The following INSL6 variants were observed in gnomAD, a reference collection of about 807,000 sequenced individuals.
INSL6 encodes the protein insulin like 6, also known as insulin-like peptide INSL6.
INSL6 carries 16 observed loss-of-function variants against 9.4 expected under a neutral mutation model. The observed-to-expected ratio is 1.70, with a 90% CI of 1.15 to 2.59. The LOEUF (loss-of-function observed/expected upper bound fraction) is 2.59, where lower values mean the gene tolerates loss of function less well. INSL6 is among the 30% of genes most tolerant of loss of function. The probability of loss-of-function intolerance (pLI) is 0.00; values close to 1 mark genes in which losing one functional copy is unlikely to be tolerated. For missense variants in INSL6, 391 were observed against 257.3 expected (o/e 1.52, Z -3.56); for synonymous variants, 154 against 96.9 (o/e 1.59, Z -3.46).
At chr9:5,122,578 C>A (rs570495316), downstream of INSL6, among the ~76,000 whole-genome samples, 2 of 152,048 alleles carry the variant, frequency 1.3e-5, no homozygotes, top group African/African-American at 2.4e-5. Flanking sequence ...GTCAGAGATT[C>A]CCAAGACCAT....
the INSL6 span, chr9:5,054,568 A>C: frequency 6.3e-7 from 1 of 1,578,424 alleles, no homozygotes; most frequent in Non-Finnish European, 8.6e-7. The surrounding 1 kb of genome is among the most constrained non-coding windows in gnomAD (Gnocchi z 4.9). Context: ...CCTAGCTACA[A>C]GACATTCTTA....
At chr9:5,000,769 T>C in the INSL6 span, among the ~76,000 whole-genome samples, 18 of 152,200 alleles carry the variant, frequency 1.2e-4, no homozygotes, top group Admixed American at 3.3e-4. Flanking sequence ...CATCTTCTTG[T>C]TTGATATATT....
intron 1 of INSL6, among the ~76,000 whole-genome samples, chr9:5,180,119 G>C (rs1004781971): frequency 6.6e-5 from 10 of 152,294 alleles, no homozygotes; most frequent in African/African-American, 2.4e-4. Context: ...AACATAAATT[G>C]TGAAGATTTC....
the INSL6 span, among the ~76,000 whole-genome samples, chr9:5,057,120 T>G: frequency 6.6e-6 from 1 of 152,148 alleles, no homozygotes; most frequent in Non-Finnish European, 1.5e-5. Context: ...AAGTATTATT[T>G]TATGTTTTTC....
At chr9:5,004,725 A>G in the INSL6 span, among the ~76,000 whole-genome samples, 1 of 152,112 alleles carries the variant, frequency 6.6e-6, no homozygotes, top group Admixed American at 6.6e-5. Flanking sequence ...AGTGACTGTA[A>G]AAATTTACAT....
the INSL6 span, among the ~76,000 whole-genome samples, chr9:5,043,013 G>T: frequency 5.3e-5 from 8 of 152,330 alleles, no homozygotes; most frequent in African/African-American, 1.9e-4. Flanking sequence ...GCGTCGCGCG[G>T]CTCGGCCCCT....
the INSL6 span, chr9:5,041,004 G>C: frequency 1.8e-5 from 12 of 652,970 alleles, no homozygotes; most frequent in South Asian, 1.6e-4. Context: ...TCAAGTTCCG[G>C]ACCCCGCAGC....
intron 1 of INSL6, among the ~76,000 whole-genome samples, chr9:5,164,814 T>C (rs1205173850): frequency 6.6e-6 from 1 of 152,256 alleles, no homozygotes; most frequent in Non-Finnish European, 1.5e-5. Flanking sequence ...TGTATCTTTT[T>C]ATGGCTGAAT....
At chr9:5,002,911 C>G in the INSL6 span, among the ~76,000 whole-genome samples, 38,791 of 151,582 alleles carry the variant, frequency 0.26, 5,152 homozygotes, top group South Asian at 0.31. Context: ...ATTTGTGTAC[C>G]GTATGAAGTA....
Position 5,164,060 on chromosome 9 carries a change from A to C in INSL6, c.495T>G (p.His165Gln). The change falls in exon 2 of 2, where the codon CAT becomes CAG. Residue 165 changes from histidine to glutamine, a missense_variant. His to Gln is a conservative substitution (Grantham distance 24). Coordinates refer to ENST00000381641, the MANE Select transcript of INSL6 (RefSeq NM_007179.3). ...ATCCTCTGCGTTTTCTTTGGGGATG[A>C]TGCCCCCAAAACAAATTGCTTAAGG... ...IKTLSNLFWG[H>Q]HPQRKRRGYS... 1.9e-6 allele frequency: 3 copies of C among 1,613,784 alleles called. No homozygotes were observed. Among genetic ancestry groups the C allele is most frequent in the Non-Finnish European group, 2.5e-6 (3 of 1,179,854 alleles).
intron 2 of INSL6, among the ~76,000 whole-genome samples, chr9:5,154,700 T>C (rs13285894): frequency 0.26 from 39,289 of 152,158 alleles, 5,320 homozygotes; most frequent in South Asian, 0.3. Flanking sequence ...AAGACATTTA[T>C]GCAGCCAAAA....
At chr9:5,100,293 G>A in the INSL6 span, 2 of 152,246 alleles carry the variant, frequency 1.3e-5, 1 homozygote. Flanking sequence ...ACCACTAACA[G>A]AAGCTCTCTC....
intron 2 of INSL6, among the ~76,000 whole-genome samples, chr9:5,153,942 T>C (rs1169753131): frequency 1.3e-5 from 2 of 152,234 alleles, no homozygotes; most frequent in Admixed American, 1.3e-4. Context: ...AAGCTACCTT[T>C]GACTTTCTTC....
the INSL6 span, among the ~76,000 whole-genome samples, chr9:5,005,691 GTTT>G: frequency 6.6e-6 from 1 of 152,084 alleles, no homozygotes; most frequent in Non-Finnish European, 1.5e-5. Context: ...GTGGGTAAGT[GTTT>G]TTTATTTTCT....
At chr9:5,066,894 T>C in the INSL6 span, 1 of 458,504 alleles carries the variant, frequency 2.2e-6, no homozygotes, top group Non-Finnish European at 3.7e-6. Context: ...AATTATAGCT[T>C]TGGATATGAT....
chr9:5,139,437 G>A (rs1174663499), intron 2 of INSL6, among the ~76,000 whole-genome samples: 1 of 152,112 alleles, frequency 6.6e-6, no homozygotes, highest in Non-Finnish European at 1.5e-5. Context: ...AAAGTTGAAA[G>A]TAAATGAATT....
the INSL6 span, among the ~76,000 whole-genome samples, chr9:5,088,015 G>A: frequency 2.4e-4 from 36 of 152,174 alleles, no homozygotes; most frequent in Non-Finnish European, 4.7e-4. Flanking sequence ...GTTAAGTAGA[G>A]GGGAAGAAGA....
At chr9:5,069,298 A>G in the INSL6 span, 6 of 791,952 alleles carry the variant, frequency 7.6e-6, no homozygotes, top group Non-Finnish European at 1.2e-5. Flanking sequence ...TTCAAAGGAT[A>G]TATGAAAGAA....
chr9:5,029,771 CTTCTT>C, the INSL6 span: 7 of 1,598,288 alleles, frequency 4.4e-6, no homozygotes, highest in Non-Finnish European at 6.0e-6. Context: ...CCTTTCTCTG[CTTCTT>C]TTCTAGGTAT....
Sources: gnomAD v4.1 joint callset for allele counts (sites outside exome capture counted in the v4.1 genomes callset) on GRCh38, gnomAD v4.1.1 for gene constraint, Gnocchi (gnomAD v3.1) non-coding constraint, MANE v1.5 for transcripts, NCBI Gene and HGNC (gene_info 2026-07-23, HGNC 2026-07-21) for gene names.